OXR1: variants seen among roughly 807,000 people sequenced by gnomAD.
The protein encoded by OXR1 is oxidation resistance 1, also known as oxidation resistance protein 1.
A neutral mutation model predicts 104.6 loss-of-function variants in OXR1; 41 were observed. That is an observed-to-expected ratio of 0.39 (90% CI 0.31 to 0.51). The LOEUF (loss-of-function observed/expected upper bound fraction) is 0.51, where lower values mean the gene tolerates loss of function less well. Among genes scored for constraint, OXR1 ranks in the 20% least tolerant of loss-of-function variants. The pLI is 0.77. For missense variants in OXR1, 955 were observed against 1,031.9 expected (o/e 0.93, Z 1.02); for synonymous variants, 348 against 348.4 (o/e 1.00, Z 0.01).
chr8:106,576,337 A>G (rs922651024), intron 3 of OXR1, among the ~76,000 whole-genome samples: 1 of 151,862 alleles, frequency 6.6e-6, no homozygotes, highest in African/African-American at 2.4e-5. Flanking sequence ...ACCTTAATAA[A>G]GAAAATTAAC....
chr8:106,416,387 G>T (rs1347217363), intron 2 of OXR1, among the ~76,000 whole-genome samples: 5 of 151,836 alleles, frequency 3.3e-5, no homozygotes, highest in Non-Finnish European at 7.4e-5. Flanking sequence ...TTGACAAAGG[G>T]GTCAATTGCT....
intron 2 of OXR1, among the ~76,000 whole-genome samples, chr8:106,502,232 G>A (rs2129957615): frequency 6.6e-6 from 1 of 152,262 alleles, no homozygotes; most frequent in Middle Eastern, 3.4e-3. Flanking sequence ...TGCCTTCATT[G>A]TCTTGAATTC....
At chr8:106,352,315 T>C (rs1815759716) in intron 1 of OXR1, among the ~76,000 whole-genome samples, 1 of 152,222 alleles carries the variant, frequency 6.6e-6, no homozygotes, top group African/African-American at 2.4e-5. Context: ...TAAAATCCAC[T>C]GGATATGTTG....
intron 1 of OXR1, among the ~76,000 whole-genome samples, chr8:106,329,643 A>T (rs1477134457): frequency 6.6e-6 from 1 of 152,198 alleles, no homozygotes; most frequent in South Asian, 2.1e-4. Context: ...CACCGCGCCC[A>T]GCCATCAGTG....
chr8:106,739,075 T>TAC (rs71307086), intron 12 of OXR1, among the ~76,000 whole-genome samples: 3,320 of 141,546 alleles, frequency 0.023, 67 homozygotes, highest in South Asian at 0.039. Flanking sequence ...TTAAATAGCA[T>TAC]ACACACACAC....
chr8:106,737,440 CTTTTTTTTT>C (rs71562118), intron 11 of OXR1, 71 bp from the exon 12 acceptor site: 30 of 148,070 alleles, frequency 2.0e-4, no homozygotes, highest in African/African-American at 6.3e-4. Context: ...AATTTCTCCT[CTTTTTTTTT>C]TTTTTTTTTT....
At chr8:106,601,899 C>G (rs1338034626) in intron 3 of OXR1, among the ~76,000 whole-genome samples, 1 of 152,150 alleles carries the variant, frequency 6.6e-6, no homozygotes, top group Non-Finnish European at 1.5e-5. Context: ...AAAAGAGGCT[C>G]TAGAGGTCAG....
intron 11 of OXR1, among the ~76,000 whole-genome samples, chr8:106,736,829 A>C (rs1447718903): frequency 1.3e-5 from 2 of 152,128 alleles, no homozygotes; most frequent in Non-Finnish European, 2.9e-5. Flanking sequence ...TACAGTAAAA[A>C]CCATAAAGAA....
At chr8:106,388,683 A>G (rs1817475694) in intron 2 of OXR1, among the ~76,000 whole-genome samples, 1 of 152,108 alleles carries the variant, frequency 6.6e-6, no homozygotes, top group Non-Finnish European at 1.5e-5. Context: ...CGGCCTCCCA[A>G]AGTGCTGGGA....
rs1237911749 is a variant in OXR1 at position 106,527,497 on chromosome 8, C to T, written c.220+8358C>T. Among the ~76,000 whole-genome samples, 6 of 152,180 alleles carry T rather than the reference C, an allele frequency of 3.9e-5. No homozygotes were observed. In the South Asian group the frequency reaches 8.3e-4, roughly 21 times the overall value. ...CCCTACACTCCAGCCAAGCTAAAAA[C>T]TCTTTGTGGTTTCTCGAAGTTGTAA... is the stretch of plus-strand genomic sequence containing the variant. On this transcript the variant is annotated intron_variant, in intron 3 of 16. Transcript: ENST00000517566.
intron 2 of OXR1, among the ~76,000 whole-genome samples, chr8:106,414,121 T>C (rs2064012190): frequency 6.6e-6 from 1 of 152,146 alleles, no homozygotes; most frequent in African/African-American, 2.4e-5. Flanking sequence ...TTAGTATAAA[T>C]AAGGATCTAA....
chr8:106,673,017 A>C (rs772111020), intron 3 of OXR1, among the ~76,000 whole-genome samples: 1 of 152,148 alleles, frequency 6.6e-6, no homozygotes, highest in African/African-American at 2.4e-5. Flanking sequence ...GTAAATTGGA[A>C]CTACAAAGTG....
intron 3 of OXR1, among the ~76,000 whole-genome samples, chr8:106,532,570 A>G (rs1814175445): frequency 6.6e-6 from 1 of 152,220 alleles, no homozygotes; most frequent in South Asian, 2.1e-4. Context: ...TTATCAGAAG[A>G]AAAATAAAGA....
At chr8:106,655,734 T>C (rs916221155) in intron 3 of OXR1, among the ~76,000 whole-genome samples, 4 of 152,138 alleles carry the variant, frequency 2.6e-5, no homozygotes, top group African/African-American at 9.7e-5. Flanking sequence ...AAGAGAACAC[T>C]GACTATATGA....
chr8:106,364,296 T>A (rs999830658), intron 2 of OXR1, among the ~76,000 whole-genome samples: 1 of 152,210 alleles, frequency 6.6e-6, no homozygotes, highest in Admixed American at 6.5e-5. Context: ...TGATTTTTTT[T>A]AGGCTGGGTG....
At chr8:106,735,569 T>C (rs1371669008) in intron 11 of OXR1, among the ~76,000 whole-genome samples, 1 of 152,096 alleles carries the variant, frequency 6.6e-6, no homozygotes, top group Non-Finnish European at 1.5e-5. Flanking sequence ...ATAAGATAAT[T>C]GTTAACTGGA....
At chr8:106,505,732 T>C (rs574244785) in intron 2 of OXR1, among the ~76,000 whole-genome samples, 1 of 152,256 alleles carries the variant, frequency 6.6e-6, no homozygotes, top group Admixed American at 6.5e-5. Flanking sequence ...GATTCACATA[T>C]TTGGGAATCT....
intron 3 of OXR1, among the ~76,000 whole-genome samples, chr8:106,666,419 A>G (rs774467987): frequency 2.0e-5 from 3 of 152,228 alleles, no homozygotes; most frequent in Non-Finnish European, 4.4e-5. Flanking sequence ...TATTTGCTCT[A>G]TCTAATATGG....
At chr8:106,504,141 G>A (rs575821640) in intron 2 of OXR1, among the ~76,000 whole-genome samples, 3 of 152,274 alleles carry the variant, frequency 2.0e-5, no homozygotes, top group Non-Finnish European at 2.9e-5. Context: ...CTGTTCCCTC[G>A]TTGGGCTAAT....
Sources: gnomAD v4.1 joint callset for allele counts (sites outside exome capture counted in the v4.1 genomes callset) on GRCh38, gnomAD v4.1.1 for gene constraint, MANE v1.5 for transcripts, NCBI Gene and HGNC (gene_info 2026-07-23, HGNC 2026-07-21) for gene names.